Variants in EXOC4 observed in about 807,000 individuals in gnomAD.
EXOC4 encodes the protein SEC8-like 1.
EXOC4 carries 71 observed loss-of-function variants against 107.2 expected under a neutral mutation model. That is an observed-to-expected ratio of 0.66 (90% CI 0.55 to 0.81). The LOEUF (loss-of-function observed/expected upper bound fraction) is 0.81, where lower values mean the gene tolerates loss of function less well. EXOC4 is among the 30% of genes least tolerant of loss of function. The probability of loss-of-function intolerance (pLI) is 0.00; values close to 1 mark genes in which losing one functional copy is unlikely to be tolerated. For missense variants in EXOC4, 1,108 were observed against 1,189.6 expected (o/e 0.93, Z 1.01); for synonymous variants, 456 against 441.2 (o/e 1.03, Z -0.42).
intron 17 of EXOC4, among the ~76,000 whole-genome samples, chr7:134,026,059 C>G (rs1012975647): frequency 6.6e-6 from 1 of 152,120 alleles, no homozygotes; most frequent in Non-Finnish European, 1.5e-5. Context: ...GTGCAAGGAG[C>G]AGAAACTTAA....
chr7:133,743,469 T>C (rs779483392), intron 10 of EXOC4, among the ~76,000 whole-genome samples: 12 of 152,158 alleles, frequency 7.9e-5, no homozygotes, highest in Non-Finnish European at 1.5e-4. Flanking sequence ...AGCTGTGCCA[T>C]TGTTGGTACC....
At chr7:133,434,095 C>T (rs905081774) in intron 7 of EXOC4, among the ~76,000 whole-genome samples, 4 of 152,136 alleles carry the variant, frequency 2.6e-5, no homozygotes, top group Non-Finnish European at 5.9e-5. Flanking sequence ...TAATGATTGT[C>T]TTGGGCTAAT....
chr7:133,553,180 G>T (rs1044903095), intron 9 of EXOC4, among the ~76,000 whole-genome samples: 1 of 152,160 alleles, frequency 6.6e-6, no homozygotes, highest in Non-Finnish European at 1.5e-5. Context: ...TAATGGATAT[G>T]AAGTGTTTTA....
chr7:134,059,397 C>T (rs1207148971), intron 17 of EXOC4, among the ~76,000 whole-genome samples: 1 of 152,024 alleles, frequency 6.6e-6, no homozygotes, highest in Non-Finnish European at 1.5e-5. Context: ...GTCAGAAAAG[C>T]ACTAATACTC....
At chr7:133,334,716 A>G (rs1044998825) in intron 5 of EXOC4, among the ~76,000 whole-genome samples, 4 of 134,796 alleles carry the variant, frequency 3.0e-5, no homozygotes, top group Non-Finnish European at 4.7e-5. Context: ...CCCACCCTCC[A>G]CCCTCCACTC....
chr7:133,436,951 G>A (rs899075875), intron 7 of EXOC4, among the ~76,000 whole-genome samples: 1 of 152,094 alleles, frequency 6.6e-6, no homozygotes, highest in South Asian at 2.1e-4. Flanking sequence ...ATAAATTGAG[G>A]ATGAACTGAT....
chr7:133,971,177 A>G (rs762339038), intron 14 of EXOC4, among the ~76,000 whole-genome samples: 1 of 151,774 alleles, frequency 6.6e-6, no homozygotes, highest in Non-Finnish European at 1.5e-5. Context: ...AATGGAGGAA[A>G]ACCTAATCAT....
chr7:133,487,120 A>G (rs1051657743), intron 9 of EXOC4, among the ~76,000 whole-genome samples: 5 of 152,216 alleles, frequency 3.3e-5, no homozygotes, highest in African/African-American at 1.2e-4. Context: ...AACCATGCAT[A>G]GCTGAACCAT....
chr7:134,085,059 A>G, the EXOC4 span, among the ~76,000 whole-genome samples: 1 of 152,230 alleles, frequency 6.6e-6, no homozygotes. Flanking sequence ...GACTGCTGGG[A>G]TTGGCCAAGA....
At chr7:133,440,207 A>C (rs1171671230) in intron 7 of EXOC4, among the ~76,000 whole-genome samples, 1 of 152,010 alleles carries the variant, frequency 6.6e-6, no homozygotes, top group Non-Finnish European at 1.5e-5. Flanking sequence ...TGGCTTTCTT[A>C]TTTCTCTTCA....
At chr7:133,299,732 CT>C (rs1450973844) in intron 3 of EXOC4, among the ~76,000 whole-genome samples, 2 of 152,150 alleles carry the variant, frequency 1.3e-5, no homozygotes, top group Non-Finnish European at 2.9e-5. Context: ...GCAGGCCCCC[CT>C]CCCTTCATTC....
intron 2 of EXOC4, among the ~76,000 whole-genome samples, chr7:133,282,904 T>G (rs1377436186): frequency 2.6e-5 from 4 of 152,242 alleles, no homozygotes; most frequent in Admixed American, 6.5e-5. Context: ...ACTGAAGTAT[T>G]GTATCCTTTG....
chr7:133,760,624 C>T (rs889981395), intron 10 of EXOC4, among the ~76,000 whole-genome samples: 35 of 151,928 alleles, frequency 2.3e-4, no homozygotes, highest in Non-Finnish European at 3.8e-4. Context: ...GTTTTGACCT[C>T]GCACCATTCT....
chr7:133,426,446 A>T (rs1797728318), intron 7 of EXOC4, among the ~76,000 whole-genome samples: 1 of 152,248 alleles, frequency 6.6e-6, no homozygotes, highest in South Asian at 2.1e-4. Flanking sequence ...AAGCAAATTA[A>T]TTACATGCAA....
chr7:133,716,605 AAT>A (rs1795004013), intron 10 of EXOC4, among the ~76,000 whole-genome samples: 1 of 152,226 alleles, frequency 6.6e-6, no homozygotes, highest in African/African-American at 2.4e-5. Context: ...TTACTTCTAG[AAT>A]ATGTTTGTAA....
chr7:133,344,379 G>A (rs1049520708), intron 5 of EXOC4, among the ~76,000 whole-genome samples: 1 of 152,070 alleles, frequency 6.6e-6, no homozygotes, highest in African/African-American at 2.4e-5. Flanking sequence ...TAATACTTCA[G>A]TATGAGTCTG....
intron 1 of EXOC4, among the ~76,000 whole-genome samples, chr7:133,257,979 A>G (rs1335108034): frequency 6.6e-6 from 1 of 152,012 alleles, no homozygotes; most frequent in Non-Finnish European, 1.5e-5. Flanking sequence ...GAAAGTAGTC[A>G]CTCTGTTCTG....
intron 8 of EXOC4, among the ~76,000 whole-genome samples, chr7:133,477,479 C>G (rs1043481860): frequency 3.3e-5 from 5 of 152,152 alleles, no homozygotes; most frequent in African/African-American, 1.2e-4. Flanking sequence ...CTTTTTGTGG[C>G]TTGATAGGTG....
At chr7:133,694,829 A>G (rs1794497593) in intron 10 of EXOC4, among the ~76,000 whole-genome samples, 1 of 152,098 alleles carries the variant, frequency 6.6e-6, no homozygotes, top group Non-Finnish European at 1.5e-5. Context: ...TTTTGTACCT[A>G]TTAATCAACC....
Sources: allele counts gnomAD v4.1 joint callset (sites outside exome capture counted in the v4.1 genomes callset), GRCh38; gene constraint gnomAD v4.1.1; transcripts MANE v1.5; gene names NCBI Gene and HGNC (gene_info 2026-07-23, HGNC 2026-07-21).